Variants in EEF1D observed in about 807,000 individuals in gnomAD.
The protein encoded by EEF1D is eukaryotic translation elongation factor 1 delta, also known as elongation factor 1-delta.
In EEF1D, 47 loss-of-function variants were observed where a neutral mutation model predicts 63.9. The observed-to-expected ratio is 0.74, with a 90% CI of 0.58 to 0.94. The LOEUF (loss-of-function observed/expected upper bound fraction) is 0.94, where lower values mean the gene tolerates loss of function less well. EEF1D is among the 40% of genes least tolerant of loss of function. EEF1D has a pLI of 0.00. For missense variants in EEF1D, 907 were observed against 899.0 expected (o/e 1.01, Z -0.11); for synonymous variants, 412 against 386.1 (o/e 1.07, Z -0.79).
Position 143,586,284 on chromosome 8 carries a change from C to A in EEF1D, c.1222G>T (p.Gly408Cys), listed in dbSNP as rs1291660337. 4.4e-6 allele frequency: 7 copies of A among 1,603,316 alleles called. No homozygotes were observed. In the East Asian group the frequency reaches 1.4e-4, roughly 31 times the overall value. ...ATGTCACGGAGGATCACGCTGGCGC[C>A]GTTCTCCTGCAGACAGTGCAGAAAG... is the stretch of plus-strand genomic sequence containing the variant. The part of the protein sequence containing the change: ...PVAGASRQEN[G>C]ASVILRDIAR... The change falls in exon 5 of 10, where the codon GGC (glycine) becomes TGC (cysteine). Residue 408 changes from glycine (G) to cysteine (C), a missense_variant. Transcript: ENST00000618139.
intron 3 of EEF1D, chr8:143,587,060 G>C (rs1826801774): frequency 1.8e-6 from 1 of 562,302 alleles, no homozygotes; most frequent in Non-Finnish European, 3.0e-6. Flanking sequence ...TGTGGTCCGA[G>C]AACCTCTGAG....
chr8:143,588,780 C>T (rs4874159), intron 3 of EEF1D: 522,472 of 663,628 alleles, frequency 0.79, 210,534 homozygotes, highest in Non-Finnish European at 0.85. Flanking sequence ...CAGCCTGGAA[C>T]TTTGTAACCT....
At chr8:143,593,981 C>G (rs118043961) in intron 1 of EEF1D, 20,626 of 926,204 alleles carry the variant, frequency 0.022, 288 homozygotes, top group Non-Finnish European at 0.025. Context: ...CAGGAGAGCC[C>G]GGAGCAGGAC....
At position 143,581,304 on chromosome 8, in the gene EEF1D, CGCT is replaced by C; in HGVS notation, c.1309_1311del (p.Ser437del). On this transcript the variant is annotated inframe_deletion, in exon 6 of 10. Transcript: ENST00000618139. ...AGCTCACCGTGGTCTCCGCTGGTGCCGCTGGAGGCCCCGGGGCCTGAGCTCTGC... is the reference window on the plus strand; with the variant it reads ...AGCTCACCGTGGTCTCCGCTGGTGCCGGAGGCCCCGGGGCCTGAGCTCTGC... The C allele has an allele frequency of 6.2e-7, 1 of 1,611,850 alleles. No individual in the cohort carries two copies. The highest frequency in any genetic ancestry group is 8.5e-7 in the Non-Finnish European group (1 of 1,179,962).
At chr8:143,579,854 G>A (rs1824963277) in intron 9 of EEF1D, 24 bp from the exon 10 acceptor site, 1 of 1,549,198 alleles carries the variant, frequency 6.5e-7, no homozygotes, top group Non-Finnish European at 8.7e-7. Context: ...GAGGGTGACG[G>A]TCAGGGCTGT....
In EEF1D at chr8:143,589,005, GGA is replaced by G; in HGVS notation, c.1075_1076del (p.Ser359GlnfsTer16). Reference sequence around the variant, plus strand: ...GTTTCTCCTACTTGGGTCTCAGGCTGGACACGGACAGGCCAGACCGAGGACCG... The same window carrying G: ...GTTTCTCCTACTTGGGTCTCAGGCTGCACGGACAGGCCAGACCGAGGACCG... ...RPGPRSGLSV[S>X]SLRPNRKMAT... is the part of the protein sequence containing the mutation. On this transcript the variant is annotated frameshift_variant, in exon 3 of 10. Coordinates refer to ENST00000618139, the MANE Select transcript of EEF1D (RefSeq NM_001130053.5). LOFTEE classifies it high-confidence loss of function. 6.3e-7 allele frequency: 1 copy of G among 1,597,368 alleles called. No individual in the cohort carries two copies. Among genetic ancestry groups the G allele is most frequent in the Non-Finnish European group, 8.5e-7 (1 of 1,179,284 alleles).
Position 143,581,164 on chromosome 8 carries a change from C to G in EEF1D, c.1388-10G>C, listed in dbSNP as rs1825454619. The G allele has an allele frequency of 6.2e-7, 1 of 1,612,882 alleles. No individual in the cohort carries two copies. The highest frequency in any genetic ancestry group is 8.5e-7 in the Non-Finnish European group (1 of 1,179,918). ...TGCAGCTCCTGTACCACTGGGGGGG[C>G]AAGGGGAGCACGGTTAGATGGCAGG... On this transcript the variant is annotated splice_polypyrimidine_tract_variant and intron_variant, in intron 6 of 9. Coordinates refer to ENST00000618139, the MANE Select transcript of EEF1D (RefSeq NM_001130053.5).
In EEF1D at chr8:143,586,861, G is replaced by A. The variant is rs554829211; in HGVS notation, c.1092-9C>T. On this transcript the variant is annotated splice_polypyrimidine_tract_variant and intron_variant, in intron 3 of 9. Coordinates refer to ENST00000618139, the MANE Select transcript of EEF1D (RefSeq NM_001130053.5). Reference sequence around the variant, plus strand: ...TTGTAGCCATTTTTCTGCTGGGAGGGGAAAGAGGCAAAGTCAGCATGGCTG... The same window carrying A: ...TTGTAGCCATTTTTCTGCTGGGAGGAGAAAGAGGCAAAGTCAGCATGGCTG... 6.2e-7 allele frequency: 1 copy of A among 1,613,372 alleles called. No homozygotes were observed. The highest frequency in any genetic ancestry group is 2.2e-5 in the East Asian group (1 of 44,874).
intron 5 of EEF1D, chr8:143,581,602 G>C (rs750205402): frequency 1.9e-6 from 1 of 537,434 alleles, no homozygotes; most frequent in Non-Finnish European, 3.3e-6. Flanking sequence ...GCTGCTGCCC[G>C]GCGGAATCCT....
At position 143,581,256 on chromosome 8, in the gene EEF1D, C is replaced by T; in HGVS notation, c.1360G>A (p.Glu454Lys). 2 of 1,612,744 alleles carry T rather than the reference C, an allele frequency of 1.2e-6. No individual in the cohort carries two copies. Among genetic ancestry groups the T allele is most frequent in the Non-Finnish European group, 1.7e-6 (2 of 1,179,994 alleles). ...GELVVRIASL[E>K]VENQSLRGVV... ...CCACGCAGACTCTGGTTCTCCACTTCCAGACTGGCAATCCGGACGACGAGC... is the reference window on the plus strand; with the variant it reads ...CCACGCAGACTCTGGTTCTCCACTTTCAGACTGGCAATCCGGACGACGAGC... Residue 454 changes from glutamate to lysine, a missense_variant, in exon 6 of 10, where the codon GAA becomes AAA. Glu to Lys is a moderately conservative substitution (Grantham distance 56). Coordinates refer to ENST00000618139, the MANE Select transcript of EEF1D (RefSeq NM_001130053.5).
intron 2 of EEF1D, chr8:143,590,716 A>AAC: frequency 3.9e-6 from 1 of 254,164 alleles, no homozygotes; most frequent in Non-Finnish European, 6.2e-6. Flanking sequence ...CATCCTGGCT[A>AAC]ACACGTTGAA....
At position 143,589,888 on chromosome 8, in the gene EEF1D, G is replaced by T. The variant is rs368871686; in HGVS notation, c.194C>A (p.Ala65Asp). 3.8e-6 allele frequency: 6 copies of T among 1,599,156 alleles called. No homozygotes were observed. The Admixed American group carries it at 8.4e-5, about 22-fold the overall frequency. Residue 65 changes from alanine (A) to aspartate (D), a missense_variant, in exon 3 of 10, where the codon GCC (alanine) becomes GAC (aspartate). Ala to Asp is a moderately radical substitution (Grantham distance 126). Transcript: ENST00000618139. ...DDPEDADEAE[A>D]PDGGSRRDPR... The stretch of plus-strand genomic sequence containing the variant: ...ATCACGCCTGCTGCCGCCGTCAGGG[G>T]CTTCCGCCTCATCAGCGTCCTCAGG...
intron 3 of EEF1D, 108 bp downstream of exon 3, chr8:143,588,882 GC>G: frequency 7.2e-7 from 1 of 1,391,738 alleles, no homozygotes; most frequent in Non-Finnish European, 9.5e-7. Flanking sequence ...GTCTCGGGGA[GC>G]CCCCACCCCA....
At chr8:143,593,110 C>A (rs1042945555) in intron 1 of EEF1D, among the ~76,000 whole-genome samples, 6 of 152,140 alleles carry the variant, frequency 3.9e-5, no homozygotes, top group Non-Finnish European at 2.9e-5. Flanking sequence ...CCCCTGTGTC[C>A]GGTCTGCTGA....
At chr8:143,584,424 G>A (rs1826157368) in intron 5 of EEF1D, among the ~76,000 whole-genome samples, 1 of 151,810 alleles carries the variant, frequency 6.6e-6, no homozygotes, top group Non-Finnish European at 1.5e-5. Flanking sequence ...AATGTCAGCT[G>A]GGCTTGGTGG....
chr8:143,589,287 G>C lies in EEF1D; in HGVS notation c.795C>G (p.Ala265=). 1 of 1,586,608 alleles carries C rather than the reference G, an allele frequency of 6.3e-7. No homozygotes were observed. The highest frequency in any genetic ancestry group is 8.6e-7 in the Non-Finnish European group (1 of 1,165,838). ...CCCGCCGGGCACCCTCGGCCAGGCC[G>C]GCTCGCTCTTGCAGGCGCACCTTCC... ...PPGKVRLQER[A]GLAEGARRGR... is the part of the protein sequence containing the mutation. Residue 265 remains alanine, a synonymous_variant, in exon 3 of 10, where the codon GCC becomes GCG. Coordinates refer to ENST00000618139, the MANE Select transcript of EEF1D (RefSeq NM_001130053.5).
chr8:143,582,150 A>T (rs1825681897), intron 5 of EEF1D: 1 of 152,296 alleles, frequency 6.6e-6, no homozygotes, highest in Non-Finnish European at 1.5e-5. Flanking sequence ...GGACATACTC[A>T]GGCCTTTGCC....
At chr8:143,587,132 C>T (rs141329478) in intron 3 of EEF1D, 46 of 265,874 alleles carry the variant, frequency 1.7e-4, no homozygotes, top group African/African-American at 8.2e-4. Flanking sequence ...AGCTGAAGTG[C>T]GGAGGCAGGT....
intron 3 of EEF1D, 48 bp downstream of exon 3, chr8:143,588,943 C>G: frequency 6.4e-7 from 1 of 1,557,370 alleles, no homozygotes. Flanking sequence ...ATGGCTGTCC[C>G]TGTGCCCACA....
Sources: gnomAD v4.1 joint callset for allele counts (sites outside exome capture counted in the v4.1 genomes callset) on GRCh38, gnomAD v4.1.1 for gene constraint, MANE v1.5 for transcripts, NCBI Gene and HGNC (gene_info 2026-07-23, HGNC 2026-07-21) for gene names.